CD5: variants seen among roughly 807,000 people sequenced by gnomAD.
CD5 encodes T-cell surface glycoprotein CD5.
A neutral mutation model predicts 60.3 loss-of-function variants in CD5; 36 were observed. The ratio of observed to expected loss-of-function variants is 0.60; its 90% CI spans 0.46 to 0.79. The LOEUF (loss-of-function observed/expected upper bound fraction) is 0.79, where lower values mean the gene tolerates loss of function less well. Ranked by LOEUF, CD5 falls within the 30% of genes least tolerant of loss-of-function variation. The pLI is 0.00. For missense variants in CD5, 540 were observed against 630.6 expected, an observed-to-expected ratio of 0.86 and a Z score of 1.54; for synonymous variants, 230 against 257.6, an observed-to-expected ratio of 0.89 and a Z score of 1.03.
intron 8 of CD5, 83 bp from the exon 9 acceptor site, chr11:61,124,949 A>C: frequency 6.4e-7 from 1 of 1,552,494 alleles, no homozygotes; most frequent in African/African-American, 1.4e-5. Flanking sequence ...TGGGAATAGG[A>C]GATTAAAGTT....
chr11:61,120,908 A>G (rs1861049107), intron 5 of CD5, among the ~76,000 whole-genome samples: 1 of 152,224 alleles, frequency 6.6e-6, no homozygotes, highest in Non-Finnish European at 1.5e-5. Flanking sequence ...TCTTCTAAAT[A>G]GATTTACTAG....
At chr11:61,120,496 TG>T (rs1234476124) in intron 5 of CD5, among the ~76,000 whole-genome samples, 1 of 152,152 alleles carries the variant, frequency 6.6e-6, no homozygotes, top group Non-Finnish European at 1.5e-5. Flanking sequence ...GAGCACTTGC[TG>T]GGATTTCTGT....
chr11:61,123,996 G>A, intron 8 of CD5, 59 bp downstream of exon 8: 1 of 1,349,306 alleles, frequency 7.4e-7, no homozygotes, highest in Non-Finnish European at 1.1e-6. Flanking sequence ...CATGGAGGCA[G>A]AGTCGAGGCT....
rs1860997739 is a variant in CD5 at position 61,118,493 on chromosome 11, C to G, written c.400+13C>G. The G allele has an allele frequency of 1.2e-6, 2 of 1,609,412 alleles. No individual in the cohort carries two copies. The highest frequency in any genetic ancestry group is 1.7e-5 in the Admixed American group (1 of 59,934). On this transcript the variant is annotated intron_variant, in intron 3 of 10. Coordinates refer to ENST00000347785, the MANE Select transcript of CD5 (RefSeq NM_014207.4). This position sits in a 1 kb window ranked among gnomAD's most constrained non-coding sequence, Gnocchi z 4.7. ...CTGACCTGCTTAGGTGGGTAACTAG[C>G]CAGCCACACGGGCACCCTGGGCCTG...
chr11:61,119,642 A>G, intron 5 of CD5, 67 bp downstream of exon 5: 1 of 1,165,752 alleles, frequency 8.6e-7, no homozygotes. Context: ...AGAGCATCCC[A>G]GAAGGTCAGG....
chr11:61,116,116 G>A (rs1029332856), intron 2 of CD5, among the ~76,000 whole-genome samples: 5 of 152,060 alleles, frequency 3.3e-5, no homozygotes, highest in East Asian at 1.9e-4. Context: ...AGCCTGACCC[G>A]TGGTTCCCGA....
intron 1 of CD5, among the ~76,000 whole-genome samples, chr11:61,109,659 G>A (rs931696003): frequency 3.9e-5 from 6 of 152,078 alleles, no homozygotes; most frequent in African/African-American, 1.4e-4. Flanking sequence ...CAGGGAGGAG[G>A]ATATCCTCAC....
the CD5 span, among the ~76,000 whole-genome samples, chr11:61,096,623 G>T: frequency 1.3e-5 from 2 of 152,354 alleles, no homozygotes; most frequent in East Asian, 1.9e-4. Flanking sequence ...TGCTTAGCAA[G>T]TTGAGAACCA....
At position 61,119,404 on chromosome 11, in the gene CD5, C is replaced by T. The variant is rs765284205; in HGVS notation, c.634C>T (p.His212Tyr). ...CCTCCAGTGTGGCTCCTTCTTGAAG[C>T]ATCTGCCAGAGACTGAGGCAGGCAG... is the stretch of plus-strand genomic sequence containing the variant. ...NNLQCGSFLK[H>Y]LPETEAGRAQ... Residue 212 changes from histidine to tyrosine, a missense_variant, in exon 5 of 11, where the codon CAT becomes TAT. Coordinates refer to ENST00000347785, the MANE Select transcript of CD5 (RefSeq NM_014207.4). The T allele has an allele frequency of 1.3e-5, 21 of 1,614,074 alleles. No individual in the cohort carries two copies. Among genetic ancestry groups the T allele is most frequent in the Non-Finnish European group, 1.6e-5 (19 of 1,180,040 alleles).
chr11:61,120,688 G>A (rs190803192), intron 5 of CD5, among the ~76,000 whole-genome samples: 10 of 152,236 alleles, frequency 6.6e-5, no homozygotes, highest in African/African-American at 1.4e-4. Flanking sequence ...ATCACTGCTC[G>A]GGGCCACCTG....
intron 1 of CD5, among the ~76,000 whole-genome samples, chr11:61,107,152 G>A (rs1437725095): frequency 6.6e-6 from 1 of 152,154 alleles, no homozygotes; most frequent in Non-Finnish European, 1.5e-5. Flanking sequence ...GAGGTACCTG[G>A]GGAGGATTCA....
chr11:61,100,579 TCA>T (rs1207380106), upstream of CD5, among the ~76,000 whole-genome samples: 1 of 68,544 alleles, frequency 1.5e-5, no homozygotes, highest in Non-Finnish European at 2.6e-5. Flanking sequence ...AACATGGAGA[TCA>T]CACACACATC....
Position 61,122,011 on chromosome 11 carries a change from A to T in CD5, c.1099+107A>T, listed in dbSNP as rs955126729. ...GGAAGCCCTGGGGAGCTAGACAGAGAGTCCCAGAGACCCAGAAAGGATGGA... is the reference window on the plus strand; with the variant it reads ...GGAAGCCCTGGGGAGCTAGACAGAGTGTCCCAGAGACCCAGAAAGGATGGA... On this transcript the variant is annotated intron_variant, in intron 6 of 10. Transcript: ENST00000347785. 48 of 974,634 alleles carry T rather than the reference A, an allele frequency of 4.9e-5. No homozygotes were observed. The Admixed American group carries it at 1.3e-3, about 26-fold the overall frequency. The allele number at this position is 974,634 out of a possible 1,614,324, so 60.4% of individuals were successfully genotyped here.
chr11:61,125,682 C>A lies in CD5; in HGVS notation c.1400-69C>A, dbSNP rs1590777176. On this transcript the variant is annotated intron_variant, in intron 9 of 10. Transcript: ENST00000347785. ...TGATCTTCCAACCCACTGTGGGCAG[C>A]GGCTCTAGGATCCAAGGGGCTCTGT... 3.8e-6 allele frequency: 4 copies of A among 1,064,842 alleles called. No individual in the cohort carries two copies. In the East Asian group the frequency reaches 7.7e-5, roughly 21 times the overall value. 66.0% of individuals were successfully genotyped at this position (1,064,842 alleles called of 1,614,324 possible).
At chr11:61,101,660 TCACACA>T (rs1020877395), upstream of CD5, among the ~76,000 whole-genome samples, 2 of 133,216 alleles carry the variant, frequency 1.5e-5, no homozygotes, top group East Asian at 2.2e-4. Context: ...AACATGGAGA[TCACACA>T]CACATCAACA....
upstream of CD5, among the ~76,000 whole-genome samples, chr11:61,098,507 G>A (rs1860611846): frequency 6.6e-6 from 1 of 152,188 alleles, no homozygotes. Flanking sequence ...CCTGGGCTTG[G>A]TAGTTAAAGA....
the CD5 span, among the ~76,000 whole-genome samples, chr11:61,094,425 G>A: frequency 2.0e-5 from 3 of 152,064 alleles, no homozygotes; most frequent in Non-Finnish European, 4.4e-5. Context: ...TTTTGACTTG[G>A]TTTGAATCGC....
intron 7 of CD5, 95 bp downstream of exon 7, chr11:61,123,127 A>C: frequency 7.1e-7 from 1 of 1,399,300 alleles, no homozygotes; most frequent in South Asian, 1.5e-5. Flanking sequence ...GCCTCCAGAG[A>C]GCTGGGCACG....
At chr11:61,111,875 T>C (rs1405928563) in intron 1 of CD5, among the ~76,000 whole-genome samples, 2 of 152,216 alleles carry the variant, frequency 1.3e-5, no homozygotes, top group African/African-American at 2.4e-5. Flanking sequence ...GCTAAGCCCT[T>C]TACACCGATT....
Sources: allele counts gnomAD v4.1 joint callset (sites outside exome capture counted in the v4.1 genomes callset), GRCh38; gene constraint gnomAD v4.1.1; non-coding constraint Gnocchi (gnomAD v3.1); transcripts MANE v1.5; gene names NCBI Gene and HGNC (gene_info 2026-07-23, HGNC 2026-07-21).